ROBO2: variants seen among roughly 807,000 people sequenced by gnomAD.
ROBO2 encodes the protein roundabout guidance receptor 2.
ROBO2 carries 53 observed loss-of-function variants against 160.8 expected under a neutral mutation model. That is an observed-to-expected ratio of 0.33 (90% CI 0.26 to 0.41). The LOEUF (loss-of-function observed/expected upper bound fraction) is 0.41, where lower values mean the gene tolerates loss of function less well. Among genes scored for constraint, ROBO2 ranks in the 10% least tolerant of loss-of-function variants. ROBO2 has a pLI of 1.00. For missense variants in ROBO2, 1,577 were observed against 1,722.4 expected (o/e 0.92, Z 1.49); for synonymous variants, 664 against 611.7 (o/e 1.09, Z -1.26).
chr3:77,481,126 A>G lies in ROBO2; in HGVS notation c.574A>G (p.Asn192Asp), dbSNP rs562914871. The change falls in exon 4 of 26, where the codon AAT becomes GAT. Residue 192 changes from asparagine (N) to aspartate (D), a missense_variant. By Grantham distance (23) the Asn-to-Asp change is conservative. Coordinates refer to ENST00000461745, the Ensembl canonical transcript of ROBO2. ...CCGTGGTGGAAAACTGATGATCTCC[A>G]ATACCAGGAAAAGTGATGCAGGGAT... 12 of 1,612,558 alleles carry G rather than the reference A, an allele frequency of 7.4e-6. No homozygotes were observed. In the African/African-American group the frequency reaches 1.6e-4, roughly 22 times the overall value.
At chr3:76,328,633 G>A (rs2073214130) in intron 2 of ROBO2, among the ~76,000 whole-genome samples, 1 of 151,868 alleles carries the variant, frequency 6.6e-6, no homozygotes. Context: ...GGCCGAGGCG[G>A]GTGAGTCACG....
At chr3:76,225,917 A>G (rs930120435) in intron 2 of ROBO2, among the ~76,000 whole-genome samples, 8 of 152,168 alleles carry the variant, frequency 5.3e-5, no homozygotes, top group African/African-American at 1.9e-4. Context: ...TCCAAATTCT[A>G]TGATTATGGC....
rs180869217 is a variant in ROBO2, at chr3:76,188,433, C to A, written c.109+250831C>A. Among the ~76,000 whole-genome samples the A allele has an allele frequency of 2.0e-5, 3 of 152,106 alleles. No homozygotes were observed. The East Asian group carries it at 5.8e-4, about 29-fold the overall frequency. ...AGAATGGAGTATTGCATCTGCAAGCCAAGGAATAACAAGGATTGCCTGCAA... is the reference window on the plus strand; with the variant it reads ...AGAATGGAGTATTGCATCTGCAAGCAAAGGAATAACAAGGATTGCCTGCAA... On this transcript the variant is annotated intron_variant, in intron 2 of 26. Transcript: ENST00000487694.
intron 2 of ROBO2, among the ~76,000 whole-genome samples, chr3:77,271,052 T>A (rs1206308736): frequency 1.4e-5 from 2 of 141,570 alleles, no homozygotes; most frequent in South Asian, 4.2e-4. Flanking sequence ...ATAGGGTACA[T>A]TTTTATATTT....
chr3:76,579,409 A>C (rs1312335773), intron 2 of ROBO2, among the ~76,000 whole-genome samples: 1 of 152,032 alleles, frequency 6.6e-6, no homozygotes, highest in Non-Finnish European at 1.5e-5. Context: ...CTCTTCTTAA[A>C]CTGTAAGTAC....
At chr3:76,408,700 AG>A (rs2108814482) in intron 2 of ROBO2, among the ~76,000 whole-genome samples, 1 of 152,222 alleles carries the variant, frequency 6.6e-6, no homozygotes, top group Non-Finnish European at 1.5e-5. Context: ...TATGGCAGAG[AG>A]GGATAGTTAA....
At chr3:76,811,846 C>T (rs150753238) in intron 2 of ROBO2, among the ~76,000 whole-genome samples, 89 of 92,088 alleles carry the variant, frequency 9.7e-4, no homozygotes, top group African/African-American at 1.6e-3. Flanking sequence ...TCTTTCCTTC[C>T]TTCCTTCCTT....
At chr3:76,857,479 A>G (rs1204325970) in intron 2 of ROBO2, among the ~76,000 whole-genome samples, 1 of 152,140 alleles carries the variant, frequency 6.6e-6, no homozygotes, top group African/African-American at 2.4e-5. Context: ...ATTGAACTCA[A>G]TGCATTTATT....
intron 2 of ROBO2, among the ~76,000 whole-genome samples, chr3:76,430,170 A>G (rs2076380188): frequency 6.6e-6 from 1 of 152,124 alleles, no homozygotes; most frequent in Non-Finnish European, 1.5e-5. Context: ...TCAAAACCCC[A>G]AATACCTTCT....
At chr3:76,678,292 G>C (rs2092465967) in intron 2 of ROBO2, among the ~76,000 whole-genome samples, 1 of 151,928 alleles carries the variant, frequency 6.6e-6, no homozygotes, top group African/African-American at 2.4e-5. Flanking sequence ...TTTAATTGTC[G>C]AGTTTTTTCT....
Position 77,124,866 on chromosome 3 carries a change from ACTCT to A in ROBO2, c.388+26529_388+26532del, listed in dbSNP as rs1186265215. On this transcript the variant is annotated intron_variant, in intron 2 of 25. Transcript: ENST00000461745. ...TTCCCTTTACCTTTTCTCTCTTCTT[ACTCT>A]CTATCTTTATTCTCCCTTTCTTTCT... Among the ~76,000 whole-genome samples the A allele has an allele frequency of 3.4e-5, 5 of 149,206 alleles. No homozygotes were observed. In the East Asian group the frequency reaches 7.9e-4, roughly 24 times the overall value.
intron 2 of ROBO2, among the ~76,000 whole-genome samples, chr3:76,015,551 A>C (rs571962255): frequency 6.6e-6 from 1 of 152,312 alleles, no homozygotes; most frequent in East Asian, 1.9e-4. Context: ...TTAACAACTA[A>C]ATTAAGTTAT....
chr3:77,630,685 G>C (rs547546042), intron 23 of ROBO2: 3 of 152,176 alleles, frequency 2.0e-5, no homozygotes, highest in African/African-American at 4.8e-5. Context: ...GTATGTAAGT[G>C]CTTCACAAAA....
At chr3:76,592,189 G>C (rs1171478398) in intron 2 of ROBO2, among the ~76,000 whole-genome samples, 1 of 152,170 alleles carries the variant, frequency 6.6e-6, no homozygotes, top group East Asian at 1.9e-4. Flanking sequence ...ATTAAAACGT[G>C]CTTTGCAAGA....
rs77601640 is a variant in ROBO2 at position 77,033,074 on chromosome 3, G to A, written c.110-64940G>A. On this transcript the variant is annotated intron_variant, in intron 2 of 26. Coordinates refer to the ROBO2 transcript ENST00000487694. ...ACCAAGTTCTTTAAATGCAACATCC[G>A]ACTACCTTGTGAGTAGGCACTATTG... is the stretch of plus-strand genomic sequence containing the variant. Among the ~76,000 whole-genome samples, 156 of 152,208 alleles carry A rather than the reference G, an allele frequency of 1.0e-3. No homozygotes were observed. In the East Asian group the frequency reaches 0.018, roughly 18 times the overall value.
At chr3:76,957,857 T>G (rs1418125405) in intron 2 of ROBO2, among the ~76,000 whole-genome samples, 1 of 151,854 alleles carries the variant, frequency 6.6e-6, no homozygotes, top group Non-Finnish European at 1.5e-5. Flanking sequence ...TGATAAAATT[T>G]AACTCTAGAT....
intron 2 of ROBO2, among the ~76,000 whole-genome samples, chr3:76,603,674 G>T (rs2087417665): frequency 1.3e-5 from 2 of 151,642 alleles, no homozygotes; most frequent in African/African-American, 4.8e-5. Context: ...CTTTTTGAAT[G>T]AATTCAGTTA....
chr3:76,118,068 C>G (rs2070553712), intron 2 of ROBO2, among the ~76,000 whole-genome samples: 1 of 152,010 alleles, frequency 6.6e-6, no homozygotes, highest in South Asian at 2.1e-4. Flanking sequence ...GGGTGCAGCA[C>G]ACCAACATGG....
At chr3:77,346,382 T>G (rs978472231) in intron 2 of ROBO2, among the ~76,000 whole-genome samples, 1 of 152,158 alleles carries the variant, frequency 6.6e-6, no homozygotes, top group African/African-American at 2.4e-5. Flanking sequence ...ACCTTCTCCC[T>G]GGGTCCAGTT....
Sources: gnomAD v4.1 joint callset for allele counts (sites outside exome capture counted in the v4.1 genomes callset) on GRCh38, gnomAD v4.1.1 for gene constraint, MANE v1.5 for transcripts, NCBI Gene and HGNC (gene_info 2026-07-23, HGNC 2026-07-21) for gene names.